The following NR2C1 variants were observed in gnomAD, a reference collection of about 807,000 sequenced individuals.
NR2C1 encodes nuclear receptor subfamily 2 group C member 1, also known as TR2 nuclear hormone receptor.
Under a neutral mutation model 74.8 loss-of-function variants are expected in NR2C1, and 33 were observed. The ratio of observed to expected loss-of-function variants is 0.44; its 90% CI spans 0.33 to 0.59. NR2C1 has a LOEUF of 0.59. Ranked by LOEUF, NR2C1 falls within the 20% of genes least tolerant of loss-of-function variation. The probability of loss-of-function intolerance (pLI) is 0.02; values close to 1 mark genes in which losing one functional copy is unlikely to be tolerated. For missense variants in NR2C1, 568 were observed against 715.6 expected (o/e 0.79, Z 2.35); for synonymous variants, 225 against 240.6 (o/e 0.94, Z 0.60).
intron 10 of NR2C1, among the ~76,000 whole-genome samples, chr12:95,037,231 A>G (rs530200341): frequency 6.6e-6 from 1 of 152,352 alleles, no homozygotes; most frequent in African/African-American, 2.4e-5. Flanking sequence ...CCGCAATGGA[A>G]TCTACCACTA....
chr12:95,048,141 G>T (rs1008087888), intron 9 of NR2C1, among the ~76,000 whole-genome samples: 2 of 152,102 alleles, frequency 1.3e-5, no homozygotes, highest in African/African-American at 2.4e-5. Context: ...GCCCAGGCTG[G>T]TCTCCAACTC....
Position 95,068,532 on chromosome 12 carries a change from C to A in NR2C1, c.-7-1141G>T, listed in dbSNP as rs549902650. Among the ~76,000 whole-genome samples the A allele has an allele frequency of 4.3e-4, 65 of 152,282 alleles. 1 individual carries two copies. The South Asian group carries it at 0.013, about 31-fold the overall frequency. On this transcript the variant is annotated intron_variant, in intron 1 of 13. Transcript: ENST00000333003. The stretch of plus-strand genomic sequence containing the variant: ...CACTTGGACCGGCCCCGGTGGCTCA[C>A]ATCTGTATTCCTAGCACTATGGGAG...
At chr12:95,023,847 A>G (rs1293292585) in intron 13 of NR2C1, among the ~76,000 whole-genome samples, 1 of 152,238 alleles carries the variant, frequency 6.6e-6, no homozygotes, top group Non-Finnish European at 1.5e-5. Flanking sequence ...ATAATGAGGC[A>G]TAGAGTAACT....
chr12:95,024,608 A>G (rs1243227085), intron 13 of NR2C1, among the ~76,000 whole-genome samples: 3 of 152,208 alleles, frequency 2.0e-5, no homozygotes, highest in South Asian at 2.1e-4. Context: ...TTATTTTTTA[A>G]TATTTTTTAG....
rs544389616 is a variant in NR2C1 at position 95,070,411 on chromosome 12, T to C, written c.-8+2969A>G. Among the ~76,000 whole-genome samples the C allele has an allele frequency of 2.0e-5, 3 of 152,224 alleles. No homozygotes were observed. In the South Asian group the frequency reaches 6.2e-4, roughly 32 times the overall value. ...CCTCACAAAGTGTGGGGATTACAGG[T>C]ATGAGCCACCACACCTAGCCAACAC... On this transcript the variant is annotated intron_variant, in intron 1 of 13. Transcript: ENST00000333003.
At chr12:95,038,038 T>TC (rs1871080920) in intron 10 of NR2C1, among the ~76,000 whole-genome samples, 1 of 152,032 alleles carries the variant, frequency 6.6e-6, no homozygotes, top group Admixed American at 6.6e-5. Context: ...GATCTATGAA[T>TC]CATCTAGATA....
Position 95,022,005 on chromosome 12 carries a change from T to C in NR2C1, c.*224A>G, listed in dbSNP as rs1868825164. The C allele has an allele frequency of 2.8e-6, 1 of 357,576 alleles. No individual in the cohort carries two copies. The highest frequency in any genetic ancestry group is 5.0e-6 in the Non-Finnish European group (1 of 201,444). The allele number at this position is 357,576 out of a possible 1,614,324, so 22.2% of individuals were successfully genotyped here. A position where few individuals can be genotyped will look rare whatever the true frequency, so the allele number is the denominator to read the frequency against. On this transcript the variant is annotated 3_prime_UTR_variant, in exon 14 of 14. Transcript: ENST00000333003. ...ATCTTCACCAAGAATAAATTTGTAGTGTTTCATATTCATTTAAAGGAATCA... is the reference window on the plus strand; with the variant it reads ...ATCTTCACCAAGAATAAATTTGTAGCGTTTCATATTCATTTAAAGGAATCA...
intron 1 of NR2C1, among the ~76,000 whole-genome samples, chr12:95,072,297 C>CAAAAA (rs769410702): frequency 1.4e-4 from 17 of 121,286 alleles, no homozygotes; most frequent in African/African-American, 5.5e-4. Flanking sequence ...AAAACAAAAA[C>CAAAAA]AAAAAAACTA....
chr12:95,059,874 TTC>T lies in NR2C1; in HGVS notation c.364+30_364+31del. 19 of 1,494,368 alleles carry T rather than the reference TTC, an allele frequency of 1.3e-5. 1 individual carries two copies. The highest frequency in any genetic ancestry group is 7.1e-5 in the African/African-American group (5 of 70,718). 92.6% of individuals were successfully genotyped at this position (1,494,368 alleles called of 1,614,324 possible). A position where few individuals can be genotyped will look rare whatever the true frequency, so the allele number is the denominator to read the frequency against. ...ACACATATAGGAGGTTATTTTTTTT[TTC>T]TGTTTTTAGGAGGTTATTCTTAATG... is the stretch of plus-strand genomic sequence containing the variant. On this transcript the variant is annotated intron_variant, in intron 4 of 13. Transcript: ENST00000333003.
chr12:95,032,457 C>CAAAAAAAAAAA lies in NR2C1; in HGVS notation c.1254-980_1254-970dup, dbSNP rs905079010. On this transcript the variant is annotated intron_variant, in intron 10 of 13. Coordinates refer to ENST00000333003, the MANE Select transcript of NR2C1 (RefSeq NM_003297.4). ...TGGGTGACACAGCGAGACTCCGTCT[C>CAAAAAAAAAAA]AAAAAAAAAAAGGAAAAAAAAAAAG... Among the ~76,000 whole-genome samples the CAAAAAAAAAAA allele has an allele frequency of 9.6e-4, 87 of 90,706 alleles. 2 individuals are homozygous for CAAAAAAAAAAA. The highest frequency in any genetic ancestry group is 3.4e-3 in the African/African-American group (83 of 24,460). 59.5% of individuals were successfully genotyped at this position (90,706 alleles called of 152,430 possible). A position where few individuals can be genotyped will look rare whatever the true frequency, so the allele number is the denominator to read the frequency against.
intron 9 of NR2C1, among the ~76,000 whole-genome samples, chr12:95,047,397 G>A (rs1872447750): frequency 6.6e-6 from 1 of 151,810 alleles, no homozygotes; most frequent in Admixed American, 6.6e-5. Context: ...TTTTTTCCAT[G>A]TAAATTATCT....
intron 13 of NR2C1, among the ~76,000 whole-genome samples, chr12:95,022,700 A>AATTT (rs1868897386): frequency 7.0e-6 from 1 of 143,296 alleles, no homozygotes; most frequent in African/African-American, 2.6e-5. Flanking sequence ...AAGTTATACA[A>AATTT]TTTTTTTTTT....
intron 1 of NR2C1, among the ~76,000 whole-genome samples, chr12:95,070,221 T>C (rs1876397942): frequency 6.6e-6 from 1 of 152,190 alleles, no homozygotes; most frequent in Non-Finnish European, 1.5e-5. Context: ...AACCTCTGCC[T>C]CCCAGGTTCA....
chr12:95,068,441 A>T (rs1172099316), intron 1 of NR2C1, among the ~76,000 whole-genome samples: 2 of 152,184 alleles, frequency 1.3e-5, no homozygotes, highest in Admixed American at 1.3e-4. Context: ...AAACCCAATA[A>T]GGAACATGCA....
rs372006593 is a variant in NR2C1 at position 95,026,138 on chromosome 12, C to T, written c.1532-883G>A. On this transcript the variant is annotated intron_variant, in intron 12 of 13. Coordinates refer to ENST00000333003, the MANE Select transcript of NR2C1 (RefSeq NM_003297.4). ...AGGAGAATCGCTTGAAACCAGGAGG[C>T]GGAGGTTGTGGTGAGCCGAGATTGT... is the stretch of plus-strand genomic sequence containing the variant. Among the ~76,000 whole-genome samples, 5 of 150,028 alleles carry T rather than the reference C, an allele frequency of 3.3e-5. No individual in the cohort carries two copies. In the East Asian group the frequency reaches 9.8e-4, roughly 29 times the overall value.
chr12:95,046,552 C>T (rs943286097), intron 9 of NR2C1, among the ~76,000 whole-genome samples: 11 of 152,102 alleles, frequency 7.2e-5, no homozygotes, highest in East Asian at 1.9e-4. Flanking sequence ...TATGCCACTG[C>T]GCTCCAGCCT....
At chr12:95,045,074 C>G (rs1009643433) in intron 9 of NR2C1, among the ~76,000 whole-genome samples, 18 of 152,264 alleles carry the variant, frequency 1.2e-4, no homozygotes, top group African/African-American at 4.3e-4. Flanking sequence ...GTTAGGAGAT[C>G]TGGATTCTGC....
chr12:95,056,140 C>A (rs1315742609), intron 7 of NR2C1, among the ~76,000 whole-genome samples: 1 of 151,784 alleles, frequency 6.6e-6, no homozygotes, highest in Non-Finnish European at 1.5e-5. Flanking sequence ...GTGTCACGTG[C>A]CTGCAGCCCT....
rs1448995341 is a variant in NR2C1 at position 95,057,718 on chromosome 12, T to A, written c.692+13A>T. On this transcript the variant is annotated intron_variant, in intron 6 of 13. Transcript: ENST00000333003. ...ACAAAATGACCAGCTACTCAGTGTCTGTTTTACTTTACCTTGTACTTTCAC... is the reference window on the plus strand; with the variant it reads ...ACAAAATGACCAGCTACTCAGTGTCAGTTTTACTTTACCTTGTACTTTCAC... 6.2e-7 allele frequency: 1 copy of A among 1,613,328 alleles called. No homozygotes were observed. The highest frequency in any genetic ancestry group is 8.5e-7 in the Non-Finnish European group (1 of 1,179,686).
Sources: gnomAD v4.1 joint callset for allele counts (sites outside exome capture counted in the v4.1 genomes callset) on GRCh38, gnomAD v4.1.1 for gene constraint, MANE v1.5 for transcripts, NCBI Gene and HGNC (gene_info 2026-07-23, HGNC 2026-07-21) for gene names.